The following PLB1 variants were observed in gnomAD, a reference collection of about 807,000 sequenced individuals.
PLB1 encodes phospholipase B1, also known as phospholipase B1, membrane-associated.
Under a neutral mutation model 227.4 loss-of-function variants are expected in PLB1, and 242 were observed. The observed-to-expected ratio is 1.06, with a 90% CI of 0.96 to 1.18. The LOEUF is 1.18. PLB1 is among the 50% of genes most tolerant of loss of function. The probability of loss-of-function intolerance (pLI) is 0.00; values close to 1 mark genes in which losing one functional copy is unlikely to be tolerated. For missense variants in PLB1, 1,858 were observed against 1,816.3 expected (o/e 1.02, Z -0.42); for synonymous variants, 757 against 682.2 (o/e 1.11, Z -1.71).
intron 12 of PLB1, among the ~76,000 whole-genome samples, chr2:28,540,842 A>G (rs1018049578): frequency 6.6e-6 from 1 of 152,166 alleles, no homozygotes; most frequent in Non-Finnish European, 1.5e-5. Context: ...GGGCTCCTGA[A>G]GATGCACATT....
At chr2:28,612,161 A>C (rs1025808836) in intron 43 of PLB1, among the ~76,000 whole-genome samples, 7 of 152,096 alleles carry the variant, frequency 4.6e-5, no homozygotes, top group African/African-American at 1.7e-4. Flanking sequence ...AGCAAGCAAG[A>C]AAGAAAGGAT....
At chr2:28,604,512 T>C in intron 40 of PLB1, 143 bp from the exon 41 acceptor site, 2 of 605,376 alleles carry the variant, frequency 3.3e-6, no homozygotes, top group Non-Finnish European at 2.9e-6. Context: ...GGACTTGCCC[T>C]CAGGTGATTT....
chr2:28,633,289 G>GTA lies in PLB1; in HGVS notation c.4098+251_4098+252dup, dbSNP rs113454945. 2.4e-3 allele frequency: 1,133 copies of GTA among 477,972 alleles called. 15 individuals are homozygous for GTA. The highest frequency in any genetic ancestry group is 0.021 in the African/African-American group (1,052 of 50,908). The allele number at this position is 477,972 out of a possible 1,614,324, so 29.6% of individuals were successfully genotyped here. A position where few individuals can be genotyped will look rare whatever the true frequency, so the allele number is the denominator to read the frequency against. On this transcript the variant is annotated intron_variant, in intron 56 of 57. Coordinates refer to ENST00000327757, the MANE Select transcript of PLB1 (RefSeq NM_153021.5). ...TCTTTGTTCCTTCAGCAATGCCCAGGTACTGCGAGGGGATCCCTTTGTAAT... is the reference window on the plus strand; with the variant it reads ...TCTTTGTTCCTTCAGCAATGCCCAGGTATACTGCGAGGGGATCCCTTTGTAAT...
intron 43 of PLB1, among the ~76,000 whole-genome samples, chr2:28,609,637 C>T (rs1182261503): frequency 6.6e-6 from 1 of 152,152 alleles, no homozygotes; most frequent in Non-Finnish European, 1.5e-5. Flanking sequence ...ACCCCACCAC[C>T]ATCTCAAGCT....
chr2:28,496,410 G>A (rs973049113), intron 1 of PLB1, among the ~76,000 whole-genome samples: 1 of 152,162 alleles, frequency 6.6e-6, no homozygotes, highest in Non-Finnish European at 1.5e-5. Context: ...CAGGAGAGAA[G>A]TGCAGTCCGG....
At chr2:28,549,041 TC>T (rs1177061514) in intron 15 of PLB1, 110 bp downstream of exon 15, 3 of 887,482 alleles carry the variant, frequency 3.4e-6, no homozygotes, top group Non-Finnish European at 5.5e-6. Flanking sequence ...GAATCCTGTT[TC>T]TGTTCTTCTG....
chr2:28,580,894 C>T (rs557302084), intron 23 of PLB1, among the ~76,000 whole-genome samples: 22 of 152,192 alleles, frequency 1.4e-4, no homozygotes, highest in African/African-American at 4.8e-4. Flanking sequence ...GGCCTGTGAG[C>T]ACCTACCTGG....
chr2:28,522,704 C>T (rs1415522233), intron 4 of PLB1, among the ~76,000 whole-genome samples: 1 of 152,180 alleles, frequency 6.6e-6, no homozygotes, highest in Non-Finnish European at 1.5e-5. Flanking sequence ...GCTGACAGCT[C>T]CTGCTGTCAC....
intron 1 of PLB1, among the ~76,000 whole-genome samples, chr2:28,497,067 T>C (rs1164581451): frequency 1.3e-5 from 2 of 152,244 alleles, no homozygotes; most frequent in Admixed American, 6.5e-5. Flanking sequence ...AGGATGATTG[T>C]ATTTCTTTGA....
intron 46 of PLB1, 198 bp downstream of exon 46, chr2:28,618,597 C>A (rs1686536494): frequency 1.7e-6 from 1 of 587,308 alleles, no homozygotes; most frequent in Non-Finnish European, 3.0e-6. Context: ...TGCTCAAAGC[C>A]CCCTCGTCCA....
rs374523830 is a variant in PLB1, at chr2:28,536,426, AAAG to A, written c.556-1891_556-1889del. On this transcript the variant is annotated intron_variant, in intron 9 of 57. Transcript: ENST00000327757. ...TAAAAATCAGAAGAAAAAATGAAAA[AAAG>A]AGCTGATTACAAGAAAACAGACACA... Among the ~76,000 whole-genome samples the A allele has an allele frequency of 1.0e-3, 134 of 128,122 alleles. 1 individual carries two copies. Among genetic ancestry groups the A allele is most frequent in the Non-Finnish European group, 1.6e-3 (96 of 58,380 alleles). The allele number at this position is 128,122 out of a possible 152,430, so 84.1% of individuals were successfully genotyped here.
At chr2:28,526,655 A>G (rs1011152261) in intron 6 of PLB1, among the ~76,000 whole-genome samples, 1 of 152,182 alleles carries the variant, frequency 6.6e-6, no homozygotes, top group African/African-American at 2.4e-5. Flanking sequence ...GTGCTCATAA[A>G]TCAAGAATAA....
chr2:28,515,898 A>C (rs1668794112), intron 1 of PLB1, among the ~76,000 whole-genome samples: 1 of 152,238 alleles, frequency 6.6e-6, no homozygotes, highest in South Asian at 2.1e-4. Flanking sequence ...AACAACATTT[A>C]AAATGCTCAT....
intron 9 of PLB1, among the ~76,000 whole-genome samples, chr2:28,532,812 C>A (rs1671198165): frequency 6.6e-6 from 1 of 152,214 alleles, no homozygotes; most frequent in Non-Finnish European, 1.5e-5. Context: ...TAGACTGTAT[C>A]TTCCAAGTGC....
intron 20 of PLB1, among the ~76,000 whole-genome samples, chr2:28,567,497 G>C (rs1319949665): frequency 8.2e-6 from 1 of 121,214 alleles, no homozygotes. Context: ...TTTTGAGATG[G>C]AGTCTCACTC....
intron 26 of PLB1, among the ~76,000 whole-genome samples, chr2:28,586,629 T>A (rs1680947071): frequency 6.6e-6 from 1 of 152,220 alleles, no homozygotes; most frequent in Non-Finnish European, 1.5e-5. Flanking sequence ...CAGCTAGACC[T>A]GCCAGGTATG....
At chr2:28,533,367 C>T (rs940776955) in intron 9 of PLB1, among the ~76,000 whole-genome samples, 8 of 152,126 alleles carry the variant, frequency 5.3e-5, no homozygotes, top group African/African-American at 1.4e-4. Context: ...TCTCCAGTGC[C>T]GAGTGAAATT....
chr2:28,579,592 C>T, intron 22 of PLB1, 35 bp from the exon 23 acceptor site: 3 of 1,545,360 alleles, frequency 1.9e-6, no homozygotes, highest in South Asian at 2.2e-5. Flanking sequence ...GACTCTGGGA[C>T]AAGGTGCTTA....
In PLB1 at chr2:28,640,542, G is replaced by A. The variant is rs181676004; in HGVS notation, c.4099-385G>A. Reference sequence around the variant, plus strand: ...GAAGTTGGTAAATAGGATTGTCGTCGTTTTATAAAATTGAAAACACGGTGT... The same window carrying A: ...GAAGTTGGTAAATAGGATTGTCGTCATTTTATAAAATTGAAAACACGGTGT... On this transcript the variant is annotated intron_variant, in intron 56 of 57. Coordinates refer to ENST00000327757, the MANE Select transcript of PLB1 (RefSeq NM_153021.5). 2.4e-4 allele frequency among the ~76,000 whole-genome samples: 36 copies of A among 152,290 alleles called. No homozygotes were observed. The East Asian group carries it at 5.0e-3, about 21-fold the overall frequency.
Sources: gnomAD v4.1 joint callset for allele counts (sites outside exome capture counted in the v4.1 genomes callset) on GRCh38, gnomAD v4.1.1 for gene constraint, MANE v1.5 for transcripts, NCBI Gene and HGNC (gene_info 2026-07-23, HGNC 2026-07-21) for gene names.